The following OTUD7A variants were observed in gnomAD, a reference collection of about 807,000 sequenced individuals.
OTUD7A encodes the protein OTU deubiquitinase 7A, also known as OTU domain-containing protein 7A.
OTUD7A carries 12 observed loss-of-function variants against 65.7 expected under a neutral mutation model. The ratio of observed to expected loss-of-function variants is 0.18; its 90% CI spans 0.12 to 0.30. The LOEUF is 0.30. Among genes scored for constraint, OTUD7A ranks in the 10% least tolerant of loss-of-function variants. The pLI is 1.00. For missense variants in OTUD7A, 1,148 were observed against 1,304.8 expected (o/e 0.88, Z 1.85); for synonymous variants, 641 against 586.3 (o/e 1.09, Z -1.35).
At chr15:31,795,604 T>C (rs1454421394) in intron 1 of OTUD7A, among the ~76,000 whole-genome samples, 1 of 152,048 alleles carries the variant, frequency 6.6e-6, no homozygotes, top group African/African-American at 2.4e-5. Context: ...TAAGCACACC[T>C]CCCCATGGAG....
At position 31,565,916 on chromosome 15, in the gene OTUD7A, G is replaced by C. The variant is rs1228493181; in HGVS notation, c.331+4102C>G. 3.9e-5 allele frequency among the ~76,000 whole-genome samples: 6 copies of C among 152,266 alleles called. No homozygotes were observed. In the East Asian group the frequency reaches 1.2e-3, roughly 29 times the overall value. Reference sequence around the variant, plus strand: ...AAATATAAGAATATATTTCAGGCCGGGCACGGTGGCTCACGCCTGTAATCC... The same window carrying C: ...AAATATAAGAATATATTTCAGGCCGCGCACGGTGGCTCACGCCTGTAATCC... On this transcript the variant is annotated intron_variant, in intron 4 of 12. Coordinates refer to ENST00000307050, the MANE Select transcript of OTUD7A (RefSeq NM_001382637.1).
At chr15:31,529,915 T>C (rs1480423743) in intron 6 of OTUD7A, among the ~76,000 whole-genome samples, 1 of 152,220 alleles carries the variant, frequency 6.6e-6, no homozygotes, top group Admixed American at 6.5e-5. Context: ...CAACCGGCCC[T>C]GATGGTCCCT....
Position 31,618,025 on chromosome 15 carries a change from G to A in OTUD7A, c.151+37071C>T, listed in dbSNP as rs35547219. 3.3e-3 allele frequency among the ~76,000 whole-genome samples: 505 copies of A among 151,508 alleles called. 1 individual carries two copies. Among genetic ancestry groups the A allele is most frequent in the African/African-American group, 0.012 (480 of 41,172 alleles). On this transcript the variant is annotated intron_variant, in intron 3 of 12. Transcript: ENST00000307050. ...TTCCCACCTATGAGTGAGAACATGC[G>A]GTGTTTGGTTTTTTGTTCTTGTGAT...
intron 1 of OTUD7A, among the ~76,000 whole-genome samples, chr15:31,720,438 C>T (rs4779918): frequency 0.21 from 31,281 of 147,820 alleles, 3,591 homozygotes; most frequent in Admixed American, 0.29. Context: ...GTCTCGCTGT[C>T]GCCCAGGCTG....
At chr15:31,785,255 T>C (rs754991191) in intron 1 of OTUD7A, among the ~76,000 whole-genome samples, 1 of 152,240 alleles carries the variant, frequency 6.6e-6, no homozygotes, top group Non-Finnish European at 1.5e-5. Context: ...ATGTAAACCC[T>C]GTAAGTATGC....
Position 31,844,234 on chromosome 15 carries a change from C to T in OTUD7A, c.-100+26273G>A, listed in dbSNP as rs557314323. On this transcript the variant is annotated intron_variant, in intron 1 of 12. Transcript: ENST00000307050. ...CAAGAATCGCACACTGCGCTGGGTG[C>T]GGTGGCTCATGCCTGTAATCCCAGC... Among the ~76,000 whole-genome samples, 712 of 152,306 alleles carry T rather than the reference C, an allele frequency of 4.7e-3. 11 individuals are homozygous for T. Among genetic ancestry groups the T allele is most frequent in the Non-Finnish European group, 4.9e-3 (331 of 68,024 alleles).
chr15:31,560,462 A>T (rs2141160024), intron 4 of OTUD7A, among the ~76,000 whole-genome samples: 1 of 152,380 alleles, frequency 6.6e-6, no homozygotes, highest in South Asian at 2.1e-4. Context: ...AAGTAGATGT[A>T]TCTTCTTGAT....
chr15:31,506,502 A>C (rs951323048), intron 8 of OTUD7A, among the ~76,000 whole-genome samples: 5 of 152,138 alleles, frequency 3.3e-5, no homozygotes, highest in African/African-American at 1.2e-4. Context: ...ACTTACAAGG[A>C]ATTTTTTTTG....
chr15:31,593,017 C>T (rs151236302), intron 3 of OTUD7A, among the ~76,000 whole-genome samples: 71 of 132,432 alleles, frequency 5.4e-4, no homozygotes, highest in African/African-American at 2.0e-3. Flanking sequence ...AAAAGTATAG[C>T]ATAGTAAATA....
In OTUD7A at chr15:31,487,097, G is replaced by A. The variant is rs2041248110; in HGVS notation, c.1371+97C>T. The stretch of plus-strand genomic sequence containing the variant: ...TGGGCGGCCGGGCAGGGGCAGGCAA[G>A]AGTGTGGGAGCATTTGGGAGGATGC... On this transcript the variant is annotated intron_variant, in intron 12 of 12. Coordinates refer to ENST00000307050, the MANE Select transcript of OTUD7A (RefSeq NM_001382637.1). The surrounding 1 kb of genome is among the most constrained non-coding windows in gnomAD (Gnocchi z 6.0). 1 of 1,231,246 alleles carries A rather than the reference G, an allele frequency of 8.1e-7. No individual in the cohort carries two copies. Among genetic ancestry groups the A allele is most frequent in the African/African-American group, 1.5e-5 (1 of 66,750 alleles). The allele number at this position is 1,231,246 out of a possible 1,614,324, so 76.3% of individuals were successfully genotyped here.
intron 10 of OTUD7A, among the ~76,000 whole-genome samples, chr15:31,492,774 T>C (rs765059691): frequency 6.6e-6 from 1 of 152,044 alleles, no homozygotes; most frequent in South Asian, 2.1e-4. Flanking sequence ...ATACAGTACA[T>C]AGAAAACAGG....
intron 10 of OTUD7A, among the ~76,000 whole-genome samples, chr15:31,490,220 G>C (rs1595553699): frequency 6.6e-6 from 1 of 152,218 alleles, no homozygotes; most frequent in Admixed American, 6.5e-5. Context: ...GCAGCGGCTT[G>C]CCCTCTGGTG....
At chr15:31,856,679 C>T (rs1280979762) in intron 1 of OTUD7A, among the ~76,000 whole-genome samples, 3 of 152,088 alleles carry the variant, frequency 2.0e-5, no homozygotes, top group Non-Finnish European at 4.4e-5. Context: ...AACCCCTCCT[C>T]GCCACACGTT....
intron 1 of OTUD7A, among the ~76,000 whole-genome samples, chr15:31,847,276 G>C (rs764379421): frequency 8.5e-5 from 13 of 152,226 alleles, no homozygotes; most frequent in African/African-American, 2.4e-4. Flanking sequence ...GCAGTGCCTA[G>C]AGCCAGGCCA....
Position 31,481,114 on chromosome 15 carries a change from A to G in OTUD7A, c.*2180T>C, listed in dbSNP as rs2041111391. On this transcript the variant is annotated 3_prime_UTR_variant, in exon 13 of 13. Coordinates refer to ENST00000307050, the MANE Select transcript of OTUD7A (RefSeq NM_001382637.1). Reference sequence around the variant, plus strand: ...ACCTGGCAGATAGCGTGAGAAAGAAAATATCTGAATTAGCATAGCCAGTTT... The same window carrying G: ...ACCTGGCAGATAGCGTGAGAAAGAAGATATCTGAATTAGCATAGCCAGTTT... 1 of 152,256 alleles carries G rather than the reference A, an allele frequency of 6.6e-6. No homozygotes were observed. The highest frequency in any genetic ancestry group is 2.1e-4 in the South Asian group (1 of 4,832). The allele number at this position is 152,256 out of a possible 1,614,324, so 9.4% of individuals were successfully genotyped here.
In OTUD7A at chr15:31,484,074, G is replaced by T. The variant is rs559778029; in HGVS notation, c.2022C>A (p.Ala674=). The change falls in exon 13 of 13, where the codon GCC becomes GCA. Residue 674 remains alanine, a synonymous_variant. Transcript: ENST00000307050. This position sits in a 1 kb window ranked among gnomAD's most constrained non-coding sequence, Gnocchi z 4.5. ...CGTCGCGGCGCCGCTGCTCCTGCTC[G>T]GCGCTGAAGCGCTCCTGCGCGCTCG... ...YLTSAQERFS[A]EQEQRRRDAA... The T allele has an allele frequency of 1.3e-6, 2 of 1,569,954 alleles. No homozygotes were observed. Among genetic ancestry groups the T allele is most frequent in the African/African-American group, 1.4e-5 (1 of 73,502 alleles).
intron 1 of OTUD7A, among the ~76,000 whole-genome samples, chr15:31,762,844 T>C (rs1895003784): frequency 6.6e-6 from 1 of 152,150 alleles, no homozygotes; most frequent in Non-Finnish European, 1.5e-5. Flanking sequence ...TCCAAATTAC[T>C]TGGTACACAA....
At chr15:31,509,402 C>G (rs746698582) in intron 8 of OTUD7A, among the ~76,000 whole-genome samples, 11 of 152,050 alleles carry the variant, frequency 7.2e-5, no homozygotes, top group Admixed American at 1.3e-4. Context: ...CCTCAGCCTC[C>G]CGAGTAGCTG....
chr15:31,866,635 G>T (rs143825917), intron 1 of OTUD7A, among the ~76,000 whole-genome samples: 1 of 152,202 alleles, frequency 6.6e-6, no homozygotes, highest in Non-Finnish European at 1.5e-5. Context: ...TTTTTCCAAG[G>T]TTCAAGGGTA....
Sources: gnomAD v4.1 joint callset for allele counts (sites outside exome capture counted in the v4.1 genomes callset) on GRCh38, gnomAD v4.1.1 for gene constraint, Gnocchi (gnomAD v3.1) non-coding constraint, MANE v1.5 for transcripts, NCBI Gene and HGNC (gene_info 2026-07-23, HGNC 2026-07-21) for gene names.